UTRN: variants seen among roughly 807,000 people sequenced by gnomAD.
UTRN encodes the protein dystrophin-related protein 1.
In UTRN, 283 loss-of-function variants were observed where a neutral mutation model predicts 463.9. The ratio of observed to expected loss-of-function variants is 0.61; its 90% CI spans 0.55 to 0.67. The LOEUF (loss-of-function observed/expected upper bound fraction) is 0.67. Ranked by LOEUF, UTRN falls within the 30% of genes least tolerant of loss-of-function variation. The pLI is 0.00. For missense variants in UTRN, 3,922 were observed against 4,084.3 expected, an observed-to-expected ratio of 0.96 and a Z score of 1.08; for synonymous variants, 1,442 against 1,431.5, an observed-to-expected ratio of 1.01 and a Z score of -0.17.
intron 2 of UTRN, among the ~76,000 whole-genome samples, chr6:144,336,916 A>G (rs906499446): frequency 1.7e-4 from 26 of 152,130 alleles, no homozygotes; most frequent in African/African-American, 6.0e-4. Context: ...GCAGCCAGTC[A>G]TGTAGGGTTG....
At chr6:144,778,030 G>A (rs1048465765) in intron 60 of UTRN, among the ~76,000 whole-genome samples, 11 of 151,922 alleles carry the variant, frequency 7.2e-5, no homozygotes, top group African/African-American at 1.5e-4. Context: ...GATATTTTTC[G>A]TTATAGAATG....
chr6:144,312,357 G>A, intron 2 of UTRN, among the ~76,000 whole-genome samples: 1 of 150,964 alleles, frequency 6.6e-6, no homozygotes, highest in East Asian at 2.0e-4. Flanking sequence ...CCAGGAGGCG[G>A]AGCTTGCAGT....
chr6:144,523,218 T>A (rs745671863), intron 41 of UTRN, 30 bp downstream of exon 41: 1 of 1,476,834 alleles, frequency 6.8e-7, no homozygotes, highest in East Asian at 2.5e-5. Context: ...ATATTTAATT[T>A]AAAAAAATGC....
chr6:144,566,197 A>T (rs1321289867), intron 50 of UTRN, among the ~76,000 whole-genome samples: 1 of 152,192 alleles, frequency 6.6e-6, no homozygotes, highest in Non-Finnish European at 1.5e-5. Context: ...GCAAGAACTG[A>T]GCTTTATGAT....
chr6:144,766,954 G>A (rs1414741449), intron 58 of UTRN, among the ~76,000 whole-genome samples: 1 of 152,072 alleles, frequency 6.6e-6, no homozygotes, highest in Non-Finnish European at 1.5e-5. Flanking sequence ...CAGTTAAAGG[G>A]GAGATAGGAT....
intron 53 of UTRN, among the ~76,000 whole-genome samples, chr6:144,714,692 C>G (rs1786189417): frequency 6.6e-6 from 1 of 152,148 alleles, no homozygotes; most frequent in Non-Finnish European, 1.5e-5. Context: ...TATTGAATGC[C>G]TCTTAAAACT....
intron 60 of UTRN, among the ~76,000 whole-genome samples, chr6:144,776,592 C>T (rs1244778097): frequency 6.6e-6 from 1 of 152,140 alleles, no homozygotes; most frequent in South Asian, 2.1e-4. Flanking sequence ...CAAAAGATTC[C>T]TGCTGCCCTC....
Position 144,343,330 on chromosome 6 carries a change from C to G in UTRN, c.79+51423C>G, listed in dbSNP as rs181185685. Among the ~76,000 whole-genome samples, 237 of 150,274 alleles carry G rather than the reference C, an allele frequency of 1.6e-3. 2 individuals carry two copies. Among genetic ancestry groups the G allele is most frequent in the Non-Finnish European group, 6.6e-4 (45 of 67,696 alleles). On this transcript the variant is annotated intron_variant, in intron 2 of 74. Transcript: ENST00000367545. ...AGTGACAGCAGGAGTTCGAGACCAG[C>G]CTGACCAACATGGTGAAATCCCGTC...
intron 47 of UTRN, 115 bp from the exon 48 acceptor site, chr6:144,550,850 A>T: frequency 1.3e-6 from 1 of 762,326 alleles, no homozygotes; most frequent in Non-Finnish European, 2.0e-6. Context: ...CTGATGCTTC[A>T]CTATGCCATA....
chr6:144,527,086 C>T (rs1393633056), intron 41 of UTRN, among the ~76,000 whole-genome samples: 1 of 152,106 alleles, frequency 6.6e-6, no homozygotes, highest in Non-Finnish European at 1.5e-5. Context: ...AGACGTGAGC[C>T]ACCACACCTG....
intron 64 of UTRN, 61 bp downstream of exon 64, chr6:144,798,051 A>G (rs943172430): frequency 6.2e-7 from 1 of 1,607,304 alleles, no homozygotes. Context: ...TCTCAGTGGT[A>G]CGTCCATCCT....
At chr6:144,419,768 G>T (rs1233489520) in intron 3 of UTRN, among the ~76,000 whole-genome samples, 3 of 152,072 alleles carry the variant, frequency 2.0e-5, no homozygotes, top group African/African-American at 7.2e-5. Context: ...GTGGTCTTGG[G>T]GTCTCTCTCT....
At chr6:144,421,814 C>T in intron 3 of UTRN, 64 bp from the exon 4 acceptor site, 2 of 1,255,020 alleles carry the variant, frequency 1.6e-6, no homozygotes, top group South Asian at 3.3e-5. Flanking sequence ...TTTATTTGCC[C>T]AGGTATATAT....
At chr6:144,827,081 T>C (rs950610733) in intron 66 of UTRN, among the ~76,000 whole-genome samples, 2 of 152,186 alleles carry the variant, frequency 1.3e-5, no homozygotes, top group African/African-American at 4.8e-5. Flanking sequence ...TTCCCCAGTA[T>C]GACTGTTTAA....
intron 2 of UTRN, among the ~76,000 whole-genome samples, chr6:144,329,026 C>A (rs1328945226): frequency 6.6e-6 from 1 of 151,524 alleles, no homozygotes; most frequent in East Asian, 1.9e-4. Flanking sequence ...CTCAGGTAAT[C>A]CCCCTGCCTC....
chr6:144,628,051 G>A (rs1225126948), intron 51 of UTRN, among the ~76,000 whole-genome samples: 2 of 151,884 alleles, frequency 1.3e-5, no homozygotes, highest in African/African-American at 4.8e-5. Context: ...CACCCGCCTC[G>A]GCCTCCCAAA....
At chr6:144,460,396 G>A (rs1789293434) in intron 21 of UTRN, among the ~76,000 whole-genome samples, 1 of 152,216 alleles carries the variant, frequency 6.6e-6, no homozygotes, top group South Asian at 2.1e-4. Flanking sequence ...TTCAGCAATT[G>A]TAGATTGTGT....
chr6:144,571,354 C>CA (rs1800921099), intron 50 of UTRN, among the ~76,000 whole-genome samples: 1 of 152,054 alleles, frequency 6.6e-6, no homozygotes, highest in Admixed American at 6.6e-5. Flanking sequence ...CCTATGATTA[C>CA]AAAAAAACCA....
chr6:144,381,136 A>G (rs890443937), intron 2 of UTRN, among the ~76,000 whole-genome samples: 5 of 152,036 alleles, frequency 3.3e-5, no homozygotes, highest in African/African-American at 1.2e-4. Context: ...TAAGCCTAGT[A>G]TCCATTAGTT....
Sources: allele counts gnomAD v4.1 joint callset (sites outside exome capture counted in the v4.1 genomes callset), GRCh38; gene constraint gnomAD v4.1.1; transcripts MANE v1.5; gene names NCBI Gene and HGNC (gene_info 2026-07-23, HGNC 2026-07-21).